CDH13: variants seen among roughly 807,000 people sequenced by gnomAD.
The protein encoded by CDH13 is cadherin-13.
CDH13 carries 24 observed loss-of-function variants against 63.8 expected under a neutral mutation model. The observed-to-expected ratio is 0.38, with a 90% CI of 0.27 to 0.53. The LOEUF is 0.53. Among genes scored for constraint, CDH13 ranks in the 20% least tolerant of loss-of-function variants. The pLI, the probability that CDH13 is intolerant of heterozygous loss-of-function variation, is 0.85. For missense variants in CDH13, 1,049 were observed against 903.1 expected (o/e 1.16, Z -2.07); for synonymous variants, 503 against 355.3 (o/e 1.42, Z -4.67).
chr16:83,485,919 G>A (rs2073876424), intron 6 of CDH13, among the ~76,000 whole-genome samples: 1 of 152,134 alleles, frequency 6.6e-6, no homozygotes, highest in Admixed American at 6.6e-5. Flanking sequence ...GAGGCAGGTG[G>A]ATCAGCTGAG....
intron 2 of CDH13, among the ~76,000 whole-genome samples, chr16:82,988,911 G>C (rs1425876446): frequency 6.6e-6 from 1 of 152,170 alleles, no homozygotes; most frequent in African/African-American, 2.4e-5. Flanking sequence ...AACATTCCAA[G>C]TGAGACTCTA....
At chr16:83,770,042 T>TC (rs1366858787) in intron 11 of CDH13, among the ~76,000 whole-genome samples, 2 of 152,106 alleles carry the variant, frequency 1.3e-5, no homozygotes. Flanking sequence ...GGCATGCAAT[T>TC]CCCGTCAACC....
At chr16:82,685,139 T>G (rs1156699409) in intron 1 of CDH13, among the ~76,000 whole-genome samples, 1 of 152,190 alleles carries the variant, frequency 6.6e-6, no homozygotes, top group Non-Finnish European at 1.5e-5. Flanking sequence ...TACTTCAGTT[T>G]TGTTGAGAGA....
intron 1 of CDH13, among the ~76,000 whole-genome samples, chr16:82,699,891 C>G (rs1040068087): frequency 6.6e-6 from 1 of 152,210 alleles, no homozygotes; most frequent in Non-Finnish European, 1.5e-5. Context: ...GACACTGATG[C>G]AATGTTTCAA....
At chr16:83,345,904 G>A (rs370824154) in intron 6 of CDH13, among the ~76,000 whole-genome samples, 1 of 152,070 alleles carries the variant, frequency 6.6e-6, no homozygotes, top group African/African-American at 2.4e-5. Flanking sequence ...AGATGAGAGC[G>A]GCTTTTACTA....
intron 4 of CDH13, among the ~76,000 whole-genome samples, chr16:83,207,246 T>C (rs1234935384): frequency 6.6e-6 from 1 of 152,200 alleles, no homozygotes; most frequent in East Asian, 1.9e-4. Flanking sequence ...TAACTCCCCA[T>C]TCACTGCCTC....
At chr16:83,700,273 C>T (rs1015091636) in intron 10 of CDH13, among the ~76,000 whole-genome samples, 1 of 152,198 alleles carries the variant, frequency 6.6e-6, no homozygotes. Flanking sequence ...TACACAGAGA[C>T]AAAGACCTTC....
At chr16:83,102,530 G>A (rs749812001) in intron 3 of CDH13, among the ~76,000 whole-genome samples, 1 of 152,136 alleles carries the variant, frequency 6.6e-6, no homozygotes, top group Non-Finnish European at 1.5e-5. Flanking sequence ...ATGACACACT[G>A]TAACCCGGAA....
intron 5 of CDH13, among the ~76,000 whole-genome samples, chr16:83,298,363 C>G (rs1363923748): frequency 6.6e-6 from 1 of 152,100 alleles, no homozygotes; most frequent in Admixed American, 6.5e-5. Flanking sequence ...ACCAAGCCAG[C>G]AAGAATAATA....
chr16:82,726,954 C>T (rs867847575), intron 1 of CDH13, among the ~76,000 whole-genome samples: 1 of 152,178 alleles, frequency 6.6e-6, no homozygotes, highest in Non-Finnish European at 1.5e-5. Context: ...GCAGCAGGGA[C>T]CTGTCTTTGA....
intron 11 of CDH13, among the ~76,000 whole-genome samples, chr16:83,771,277 C>T (rs1299171960): frequency 6.6e-6 from 1 of 152,262 alleles, no homozygotes; most frequent in East Asian, 1.9e-4. Flanking sequence ...CCAACCAGAC[C>T]AAGAGTAACC....
chr16:83,351,151 G>C (rs1452825295), intron 6 of CDH13, among the ~76,000 whole-genome samples: 1 of 152,064 alleles, frequency 6.6e-6, no homozygotes, highest in African/African-American at 2.4e-5. Context: ...CTGTGATGTG[G>C]CTTTTCAACC....
At chr16:83,748,065 C>T (rs781172798) in intron 10 of CDH13, 43 bp from the exon 11 acceptor site, 3 of 1,610,278 alleles carry the variant, frequency 1.9e-6, no homozygotes, top group Non-Finnish European at 2.5e-6. Context: ...TTTCTTGAAT[C>T]TACTTTGAAT....
intron 6 of CDH13, among the ~76,000 whole-genome samples, chr16:83,428,413 C>T (rs900937829): frequency 6.6e-6 from 1 of 151,312 alleles, no homozygotes; most frequent in Non-Finnish European, 1.5e-5. Flanking sequence ...TTGATTTTAG[C>T]TTTGTTTGTT....
At chr16:82,780,978 G>A (rs1294114848) in intron 1 of CDH13, among the ~76,000 whole-genome samples, 1 of 152,244 alleles carries the variant, frequency 6.6e-6, no homozygotes, top group African/African-American at 2.4e-5. Context: ...GGTCACATTT[G>A]GGGTAGCTGT....
At chr16:83,140,497 A>T (rs1489763018) in intron 4 of CDH13, among the ~76,000 whole-genome samples, 1 of 152,094 alleles carries the variant, frequency 6.6e-6, no homozygotes, top group Non-Finnish European at 1.5e-5. Flanking sequence ...CTTCTTGCCC[A>T]GGCTGGAGTG....
chr16:82,781,439 G>T (rs566483739), intron 1 of CDH13, among the ~76,000 whole-genome samples: 5 of 151,860 alleles, frequency 3.3e-5, no homozygotes, highest in Non-Finnish European at 5.9e-5. Context: ...CAACTTGATG[G>T]CTAAGGTCAT....
At chr16:83,529,690 A>G (rs2075040214) in intron 7 of CDH13, among the ~76,000 whole-genome samples, 1 of 152,182 alleles carries the variant, frequency 6.6e-6, no homozygotes, top group Non-Finnish European at 1.5e-5. Flanking sequence ...GGAAATAGAG[A>G]TTTTAATACA....
At chr16:83,223,748 GT>G in intron 5 of CDH13, among the ~76,000 whole-genome samples, 1 of 152,348 alleles carries the variant, frequency 6.6e-6, no homozygotes, top group Middle Eastern at 3.4e-3. Context: ...ATAGTTTTTA[GT>G]TTTTCCAGCT....
Sources: gnomAD v4.1 joint callset for allele counts (sites outside exome capture counted in the v4.1 genomes callset) on GRCh38, gnomAD v4.1.1 for gene constraint, MANE v1.5 for transcripts, NCBI Gene and HGNC (gene_info 2026-07-23, HGNC 2026-07-21) for gene names.